The following LGSN variants were observed in gnomAD, a reference collection of about 807,000 sequenced individuals.
The protein encoded by LGSN is lengsin, lens protein with glutamine synthetase domain.
In LGSN, 21 loss-of-function variants were observed where a neutral mutation model predicts 19.5. The observed-to-expected ratio is 1.07, with a 90% CI of 0.76 to 1.55. LGSN has a LOEUF of 1.55. Among genes scored for constraint, LGSN ranks in the 40% most tolerant of loss-of-function variants. The pLI, the probability that LGSN is intolerant of heterozygous loss-of-function variation, is 0.00. For synonymous variants in LGSN, 257 were observed against 215.6 expected (o/e 1.19, Z -1.68); for missense variants, 673 against 608.5 (o/e 1.11, Z -1.12).
At chr6:63,322,682 T>C (rs1769112266), upstream of LGSN, among the ~76,000 whole-genome samples, 1 of 152,158 alleles carries the variant, frequency 6.6e-6, no homozygotes, top group Non-Finnish European at 1.5e-5. Flanking sequence ...CCCCAAAAGT[T>C]CCTTTCATGA....
chr6:63,542,802 C>T, the LGSN span, among the ~76,000 whole-genome samples: 2 of 152,154 alleles, frequency 1.3e-5, no homozygotes, highest in Non-Finnish European at 2.9e-5. Flanking sequence ...CTTTCCATTG[C>T]TCTATATGCA....
the LGSN span, among the ~76,000 whole-genome samples, chr6:63,446,289 C>G: frequency 2.0e-5 from 3 of 150,682 alleles, no homozygotes; most frequent in Non-Finnish European, 4.4e-5. Context: ...GATGGCATGC[C>G]CTCTCACCTC....
intron 1 of LGSN, among the ~76,000 whole-genome samples, chr6:63,295,314 A>G (rs1767942740): frequency 6.6e-6 from 1 of 152,178 alleles, no homozygotes; most frequent in African/African-American, 2.4e-5. Flanking sequence ...CTAATTACTC[A>G]AGATTTCTAT....
At chr6:63,282,798 C>T (rs1767370797) in intron 3 of LGSN, among the ~76,000 whole-genome samples, 1 of 152,136 alleles carries the variant, frequency 6.6e-6, no homozygotes, top group African/African-American at 2.4e-5. Context: ...ACTTTATACA[C>T]ACGCACACAC....
At chr6:63,476,093 T>G in the LGSN span, among the ~76,000 whole-genome samples, 2 of 152,194 alleles carry the variant, frequency 1.3e-5, no homozygotes, top group Admixed American at 6.5e-5. Flanking sequence ...TTTTGTTTTG[T>G]TTTTTGGTTT....
the LGSN span, among the ~76,000 whole-genome samples, chr6:63,572,874 CTGTGGCCGGCCGAT>C: frequency 6.6e-6 from 1 of 151,998 alleles, no homozygotes; most frequent in Non-Finnish European, 1.5e-5. Context: ...GGTTATGGCC[CTGTGGCCGGCCGAT>C]TGCGGCCGGC....
the LGSN span, among the ~76,000 whole-genome samples, chr6:63,514,600 C>G: frequency 1.3e-5 from 2 of 152,190 alleles, no homozygotes; most frequent in African/African-American, 4.8e-5. Flanking sequence ...AATGAAATGT[C>G]TATTGACTTC....
the LGSN span, among the ~76,000 whole-genome samples, chr6:63,447,176 G>A: frequency 6.6e-6 from 1 of 152,236 alleles, no homozygotes; most frequent in Non-Finnish European, 1.5e-5. Flanking sequence ...TGCTGTCGGT[G>A]TGCTTAATGA....
chr6:63,542,796 C>T, the LGSN span, among the ~76,000 whole-genome samples: 1 of 152,144 alleles, frequency 6.6e-6, no homozygotes, highest in Non-Finnish European at 1.5e-5. Context: ...TACATCCTTT[C>T]CATTGCTCTA....
At chr6:63,474,456 A>G in the LGSN span, among the ~76,000 whole-genome samples, 11 of 152,070 alleles carry the variant, frequency 7.2e-5, no homozygotes, top group South Asian at 2.3e-3. Context: ...AAAATACAAA[A>G]AAATTAGCTG....
chr6:63,541,468 G>A, the LGSN span, among the ~76,000 whole-genome samples: 1 of 151,196 alleles, frequency 6.6e-6, no homozygotes, highest in East Asian at 2.0e-4. Context: ...CAGGAAAATC[G>A]CCTGAACCCC....
chr6:63,308,128 T>A (rs749017964), intron 1 of LGSN, among the ~76,000 whole-genome samples: 3 of 152,168 alleles, frequency 2.0e-5, no homozygotes, highest in Non-Finnish European at 4.4e-5. Context: ...ATGGCATAAA[T>A]ATATACATTT....
chr6:63,534,792 C>CTTTAGTAAAGAATTTCATAAAGAATTTG, the LGSN span, among the ~76,000 whole-genome samples: 7 of 146,478 alleles, frequency 4.8e-5, no homozygotes, highest in Non-Finnish European at 1.0e-4. Flanking sequence ...TAAAGAATTT[C>CTTTAGTAAAGAATTTCATAAAGAATTTG]TTTAGTAAAG....
At chr6:63,350,677 C>T in the LGSN span, among the ~76,000 whole-genome samples, 8 of 152,122 alleles carry the variant, frequency 5.3e-5, no homozygotes, top group South Asian at 4.1e-4. Context: ...CATGGTGAAA[C>T]GCTCTCTCTA....
the LGSN span, among the ~76,000 whole-genome samples, chr6:63,358,849 T>C: frequency 6.6e-6 from 1 of 152,146 alleles, no homozygotes; most frequent in Non-Finnish European, 1.5e-5. Flanking sequence ...GAGTGCCCTG[T>C]CCAGAACTTC....
chr6:63,330,327 C>T, the LGSN span, among the ~76,000 whole-genome samples: 2 of 152,280 alleles, frequency 1.3e-5, no homozygotes, highest in East Asian at 3.9e-4. Flanking sequence ...AGGCTGCAGC[C>T]TTTCTCTGAT....
chr6:63,443,423 G>A, the LGSN span: 6 of 165,736 alleles, frequency 3.6e-5, no homozygotes, highest in African/African-American at 7.2e-5. Flanking sequence ...CCTCAAGTGC[G>A]GCCAGAGCAG....
At chr6:63,287,396 A>C (rs1212255758) in intron 2 of LGSN, among the ~76,000 whole-genome samples, 6 of 152,200 alleles carry the variant, frequency 3.9e-5, no homozygotes, top group African/African-American at 1.4e-4. Flanking sequence ...TAGGCATTTT[A>C]AAATATGGAA....
chr6:63,334,905 G>A, the LGSN span, among the ~76,000 whole-genome samples: 2 of 152,100 alleles, frequency 1.3e-5, no homozygotes, highest in African/African-American at 2.4e-5. Context: ...TTGGGAGGCT[G>A]AGGAGGATGG....
Sources: allele counts gnomAD v4.1 joint callset (sites outside exome capture counted in the v4.1 genomes callset), GRCh38; gene constraint gnomAD v4.1.1; transcripts MANE v1.5; gene names NCBI Gene and HGNC (gene_info 2026-07-23, HGNC 2026-07-21).